Variants in PCDHGA7 observed in about 807,000 individuals in gnomAD.
PCDHGA7 encodes the protein protocadherin gamma subfamily A, 7.
Under a neutral mutation model 58.3 loss-of-function variants are expected in PCDHGA7, and 44 were observed. The ratio of observed to expected loss-of-function variants is 0.75; its 90% confidence interval spans 0.59 to 0.97. The LOEUF (loss-of-function observed/expected upper bound fraction) is 0.97. PCDHGA7 is among the 50% of genes least tolerant of loss of function. The probability of loss-of-function intolerance (pLI) is 0.00; values close to 1 mark genes in which losing one functional copy is unlikely to be tolerated. For missense variants in PCDHGA7, 1,266 were observed against 1,188.7 expected (o/e 1.06, Z -0.96); for synonymous variants, 516 against 504.2 (o/e 1.02, Z -0.31).
chr5:141,389,832 C>G (rs758113562), intron 1 of PCDHGA7: 1 of 1,613,966 alleles, frequency 6.2e-7, no homozygotes, highest in Admixed American at 1.7e-5. Context: ...CGGTGGACAG[C>G]CACCACTCTC....
intron 1 of PCDHGA7, among the ~76,000 whole-genome samples, chr5:141,454,795 A>G (rs79012896): frequency 9.1e-6 from 1 of 110,272 alleles, no homozygotes; most frequent in South Asian, 3.0e-4. Flanking sequence ...CCATGGTTCT[A>G]ATTTTTTTTT....
intron 1 of PCDHGA7, chr5:141,402,801 G>T (rs1218765657): frequency 1.2e-5 from 13 of 1,078,506 alleles, no homozygotes; most frequent in Non-Finnish European, 1.7e-5. Context: ...CACAAAACCC[G>T]GCAGATACCA....
chr5:141,404,103 G>C lies in PCDHGA7; in HGVS notation c.2424+18780G>C, dbSNP rs773489391. 14 of 1,613,372 alleles carry C rather than the reference G, an allele frequency of 8.7e-6. No homozygotes were observed. In the East Asian group the frequency reaches 2.9e-4, roughly 33 times the overall value. On this transcript the variant is annotated intron_variant, in intron 1 of 3. Transcript: ENST00000518325. ...TCCGGGAAGAATGGTCAAGTTGTCT[G>C]TTCTATCCAGGAGAATCTATCTTTT...
At chr5:141,418,692 C>T in intron 1 of PCDHGA7, 5 of 1,614,032 alleles carry the variant, frequency 3.1e-6, no homozygotes, top group Non-Finnish European at 4.2e-6. Flanking sequence ...TCAGAGATCA[C>T]TTATTCCTTC....
At position 141,430,558 on chromosome 5, in the gene PCDHGA7, G is replaced by A. The variant is rs1472516429; in HGVS notation, c.2424+45235G>A. 2.2e-5 allele frequency: 9 copies of A among 417,488 alleles called. No homozygotes were observed. In the East Asian group the frequency reaches 3.3e-4, roughly 15 times the overall value. The allele number at this position is 417,488 out of a possible 1,614,324, so 25.9% of individuals were successfully genotyped here. On this transcript the variant is annotated intron_variant, in intron 1 of 3. Transcript: ENST00000518325. ...TCTGAGCGCCGCTGTTCACCAATCGGGGAGAGAAAAGCGGAGATCCTGCTC... is the reference window on the plus strand; with the variant it reads ...TCTGAGCGCCGCTGTTCACCAATCGAGGAGAGAAAAGCGGAGATCCTGCTC...
chr5:141,433,304 C>T, intron 1 of PCDHGA7: 1 of 932,004 alleles, frequency 1.1e-6, no homozygotes, highest in Non-Finnish European at 1.6e-6. Context: ...AGCAATTATC[C>T]CACCTTTGCC....
At position 141,382,889 on chromosome 5, in the gene PCDHGA7, G is replaced by A; in HGVS notation, c.-11G>A. The A allele has an allele frequency of 2.0e-5, 30 of 1,532,432 alleles. No homozygotes were observed. The highest frequency in any genetic ancestry group is 2.5e-5 in the Non-Finnish European group (29 of 1,141,740). The allele number at this position is 1,532,432 out of a possible 1,614,324, so 94.9% of individuals were successfully genotyped here. On this transcript the variant is annotated 5_prime_UTR_variant, in exon 1 of 4. Transcript: ENST00000518325. ...CGAGATCGGCGCCTAAGCAAGAGAA[G>A]CAGGACGACTATGGCGGCTCAGCCG...
chr5:141,394,080 A>G (rs766939528), intron 1 of PCDHGA7: 2 of 1,613,920 alleles, frequency 1.2e-6, no homozygotes, highest in Non-Finnish European at 1.7e-6. Flanking sequence ...TATCACAGTG[A>G]TGGCCTCAGA....
rs1330166497 is a variant in PCDHGA7, at chr5:141,383,455, G to A, written c.556G>A (p.Asp186Asn). 1 of 1,613,936 alleles carries A rather than the reference G, an allele frequency of 6.2e-7. No individual in the cohort carries two copies. Among genetic ancestry groups the A allele is most frequent in the South Asian group, 1.1e-5 (1 of 91,074 alleles). Residue 186 changes from aspartate to asparagine, a missense_variant, in exon 1 of 4, where the codon GAC (aspartate) becomes AAC (asparagine). Asp to Asn is a conservative substitution (Grantham distance 23). Coordinates refer to ENST00000518325, the MANE Select transcript of PCDHGA7 (RefSeq NM_018920.4). ...CTTCTCCCTGGCTGTGCAAAGTGGAGACGATGAAACTAAGTACCCGGAACT... is the reference window on the plus strand; with the variant it reads ...CTTCTCCCTGGCTGTGCAAAGTGGAAACGATGAAACTAAGTACCCGGAACT... ...RHFSLAVQSG[D>N]DETKYPELVL...
At chr5:141,426,814 T>C (rs2096962370) in intron 1 of PCDHGA7, 1 of 456,592 alleles carries the variant, frequency 2.2e-6, no homozygotes, top group Admixed American at 2.3e-5. Flanking sequence ...AATGAACATT[T>C]CTCTCTGATG....
At chr5:141,403,758 T>G in intron 1 of PCDHGA7, 1 of 1,613,922 alleles carries the variant, frequency 6.2e-7, no homozygotes, top group Non-Finnish European at 8.5e-7. Context: ...GCCAGCGACC[T>G]GGATGAGGGA....
rs374253072 is a variant in PCDHGA7, at chr5:141,476,894, G to A, written c.2425-17913G>A. ...GCGCGTCCTGGAGGATGCACCCTCCGGCACGCGCGTGGTACAAGTCCTTGC... is the reference window on the plus strand; with the variant it reads ...GCGCGTCCTGGAGGATGCACCCTCCAGCACGCGCGTGGTACAAGTCCTTGC... On this transcript the variant is annotated intron_variant, in intron 1 of 3. Transcript: ENST00000518325. The surrounding 1 kb of genome is among the most constrained non-coding windows in gnomAD (Gnocchi z 7.6). 48 of 1,613,834 alleles carry A rather than the reference G, an allele frequency of 3.0e-5. No homozygotes were observed. In the African/African-American group the frequency reaches 5.6e-4, roughly 19 times the overall value.
At chr5:141,501,298 C>T (rs998006748) in intron 2 of PCDHGA7, among the ~76,000 whole-genome samples, 216 of 148,422 alleles carry the variant, frequency 1.5e-3, no homozygotes, top group Admixed American at 2.4e-3. Context: ...TATACACACA[C>T]ACACACACAC....
At chr5:141,404,387 C>G in intron 1 of PCDHGA7, 3 of 1,613,874 alleles carry the variant, frequency 1.9e-6, no homozygotes, top group Non-Finnish European at 2.5e-6. Context: ...TGCCTATGAC[C>G]CTGATAGCAA....
chr5:141,511,140 C>T lies in PCDHGA7; in HGVS notation c.2766C>T (p.Asn922=). Reference sequence around the variant, plus strand: ...AGGCCCCAGCAGGTGGCAATGGCAACAAGAAGAAGTCGGGCAAGAAGGAGA... The same window carrying T: ...AGGCCCCAGCAGGTGGCAATGGCAATAAGAAGAAGTCGGGCAAGAAGGAGA... ...DGKAPAGGNG[N]KKKSGKKEKK is the part of the protein sequence containing the mutation. Residue 922 remains asparagine (N), a synonymous_variant, in exon 4 of 4, where the codon AAC becomes AAT. Transcript: ENST00000518325. The T allele has an allele frequency of 1.2e-6, 2 of 1,614,186 alleles. No homozygotes were observed. The highest frequency in any genetic ancestry group is 1.3e-5 in the African/African-American group (1 of 75,050).
rs753702657 is a variant in PCDHGA7 at position 141,415,195 on chromosome 5, C to G, written c.2424+29872C>G. ...CGTGGCCGTGGCCGACAGCATCCCC[C>G]AAGTCCTGGCGGACCTCGGCAGCTT... On this transcript the variant is annotated intron_variant, in intron 1 of 3. Transcript: ENST00000518325. 5 of 1,614,058 alleles carry G rather than the reference C, an allele frequency of 3.1e-6. No individual in the cohort carries two copies. The highest frequency in any genetic ancestry group is 1.1e-5 in the South Asian group (1 of 91,090).
Position 141,432,093 on chromosome 5 carries a change from C to G in PCDHGA7, c.2424+46770C>G. On this transcript the variant is annotated intron_variant, in intron 1 of 3. Coordinates refer to ENST00000518325, the MANE Select transcript of PCDHGA7 (RefSeq NM_018920.4). This position sits in a 1 kb window ranked among gnomAD's most constrained non-coding sequence, Gnocchi z 6.0. ...CATATCTCGCTGAACGTGGCAGACA[C>G]CAACGACAACCCGCCGGTCTTCCCT... 1 of 1,614,170 alleles carries G rather than the reference C, an allele frequency of 6.2e-7. No individual in the cohort carries two copies. The highest frequency in any genetic ancestry group is 8.5e-7 in the Non-Finnish European group (1 of 1,180,046).
intron 1 of PCDHGA7, among the ~76,000 whole-genome samples, chr5:141,450,829 A>ATTTT (rs373424450): frequency 2.2e-4 from 30 of 135,142 alleles, no homozygotes; most frequent in African/African-American, 6.3e-4. Flanking sequence ...TATTATTATT[A>ATTTT]TTTTTTTTTT....
intron 1 of PCDHGA7, chr5:141,399,381 C>T: frequency 1.2e-6 from 2 of 1,613,982 alleles, no homozygotes; most frequent in Non-Finnish European, 8.5e-7. Flanking sequence ...ATGTCACCAT[C>T]ACAGCCACAG....
Sources: gnomAD v4.1 joint callset for allele counts (sites outside exome capture counted in the v4.1 genomes callset) on GRCh38, gnomAD v4.1.1 for gene constraint, Gnocchi (gnomAD v3.1) non-coding constraint, MANE v1.5 for transcripts, NCBI Gene and HGNC (gene_info 2026-07-23, HGNC 2026-07-21) for gene names.